Variants in IFT81 observed in about 807,000 individuals in gnomAD.
The protein encoded by IFT81 is intraflagellar transport 81.
In IFT81, 72 loss-of-function variants were observed where a neutral mutation model predicts 102.6. That is an observed-to-expected ratio of 0.70 (90% CI 0.58 to 0.85). IFT81 has a LOEUF of 0.85. Among genes scored for constraint, IFT81 ranks in the 40% least tolerant of loss-of-function variants. The pLI, the probability that IFT81 is intolerant of heterozygous loss-of-function variation, is 0.00. For missense variants in IFT81, 723 were observed against 787.3 expected, an observed-to-expected ratio of 0.92 and a Z score of 0.98; for synonymous variants, 237 against 242.7, an observed-to-expected ratio of 0.98 and a Z score of 0.22.
In IFT81 at chr12:110,197,555, CATATATATATAT is replaced by C. The variant is rs141544205; in HGVS notation, c.1557+4867_1557+4878del. Among the ~76,000 whole-genome samples, 292 of 108,806 alleles carry C rather than the reference CATATATATATAT, an allele frequency of 2.7e-3. 2 individuals are homozygous for C. Among genetic ancestry groups the C allele is most frequent in the African/African-American group, 9.4e-3 (279 of 29,836 alleles). The allele number at this position is 108,806 out of a possible 152,430, so 71.4% of individuals were successfully genotyped here. ...ATATTATTTATTCTTAGGTTTTTAT[CATATATATATAT>C]ATATATATATATATATACCTCACTT... is the stretch of plus-strand genomic sequence containing the variant. On this transcript the variant is annotated intron_variant, in intron 14 of 18. Coordinates refer to ENST00000242591, the MANE Select transcript of IFT81 (RefSeq NM_014055.4).
rs1895882656 is a variant in IFT81, at chr12:110,157,064, TA to T, written c.1042-5854del. On this transcript the variant is annotated intron_variant, in intron 10 of 18. Transcript: ENST00000242591. ...AGTAGAAGTTTATTTTAAAAGGCCT[TA>T]GAGGCCAGACACGGTGGCTCATGCC... Among the ~76,000 whole-genome samples, 8 of 151,938 alleles carry T rather than the reference TA, an allele frequency of 5.3e-5. No individual in the cohort carries two copies. In the South Asian group the frequency reaches 1.7e-3, roughly 32 times the overall value.
At chr12:110,177,995 C>T (rs943000448) in intron 11 of IFT81, among the ~76,000 whole-genome samples, 1 of 149,048 alleles carries the variant, frequency 6.7e-6, no homozygotes, top group Non-Finnish European at 1.5e-5. Flanking sequence ...CCCGGGAGGC[C>T]GAGGCAGGAA....
intron 11 of IFT81, chr12:110,168,506 C>A: frequency 4.4e-6 from 4 of 919,536 alleles, no homozygotes; most frequent in Non-Finnish European, 5.2e-6. Context: ...AATGCATAAA[C>A]GATTATACTA....
intron 11 of IFT81, among the ~76,000 whole-genome samples, chr12:110,173,438 C>T (rs924733036): frequency 2.2e-4 from 33 of 152,300 alleles, no homozygotes; most frequent in African/African-American, 7.5e-4. Context: ...CCCCTCTGCC[C>T]GGCCACCATC....
intron 4 of IFT81, among the ~76,000 whole-genome samples, chr12:110,131,069 G>A (rs1894132052): frequency 1.3e-5 from 2 of 152,116 alleles, no homozygotes; most frequent in South Asian, 4.1e-4. Flanking sequence ...GATTGCTTGA[G>A]CTCAGGAGTT....
intron 18 of IFT81, among the ~76,000 whole-genome samples, chr12:110,211,798 C>T (rs1018048052): frequency 2.6e-5 from 4 of 152,102 alleles, no homozygotes; most frequent in Non-Finnish European, 5.9e-5. Flanking sequence ...CAAGCCACTG[C>T]GCCCAGCCTT....
In IFT81 at chr12:110,128,988, C is replaced by A; in HGVS notation, c.287C>A (p.Pro96His). The A allele has an allele frequency of 6.2e-7, 1 of 1,613,334 alleles. No individual in the cohort carries two copies. Among genetic ancestry groups the A allele is most frequent in the Non-Finnish European group, 8.5e-7 (1 of 1,179,734 alleles). ...CAGGGTTTGGTGATTGGAAGTAAAC[C>A]TGTAATTTACCCAGTGCTCCACTGG... ...FRQGLVIGSK[P>H]VIYPVLHWLL... Residue 96 changes from proline (P) to histidine (H), a missense_variant, in exon 4 of 19, where the codon CCT becomes CAT. By Grantham distance (77) the Pro-to-His change is moderately conservative. Transcript: ENST00000242591.
At chr12:110,167,388 T>C (rs183038665) in intron 11 of IFT81, among the ~76,000 whole-genome samples, 38 of 152,286 alleles carry the variant, frequency 2.5e-4, no homozygotes, top group Admixed American at 1.6e-3. Flanking sequence ...TGATAAAAGA[T>C]ACATTTTCCT....
chr12:110,179,749 TATATATATATATATATATATATATAC>T (rs1361924907), intron 11 of IFT81, among the ~76,000 whole-genome samples: 3 of 47,264 alleles, frequency 6.3e-5, no homozygotes, highest in African/African-American at 1.5e-4. Flanking sequence ...TATATATATA[TATATATATATATATATATATATATAC>T]ACACACACAC....
At chr12:110,157,860 G>C (rs902819330) in intron 10 of IFT81, among the ~76,000 whole-genome samples, 1 of 151,970 alleles carries the variant, frequency 6.6e-6, no homozygotes, top group Non-Finnish European at 1.5e-5. Context: ...TTTAGCTCCA[G>C]GATTTCTTTT....
intron 11 of IFT81, among the ~76,000 whole-genome samples, chr12:110,165,810 G>A (rs1896407067): frequency 6.6e-6 from 1 of 152,182 alleles, no homozygotes. Flanking sequence ...GTAAAATGGG[G>A]CTGATTGCTC....
At chr12:110,160,111 C>T (rs1896059440) in intron 10 of IFT81, among the ~76,000 whole-genome samples, 1 of 152,130 alleles carries the variant, frequency 6.6e-6, no homozygotes, top group African/African-American at 2.4e-5. Flanking sequence ...TTTATGCCTA[C>T]CTATTGTATT....
At chr12:110,182,463 C>T (rs1897345797) in intron 12 of IFT81, among the ~76,000 whole-genome samples, 1 of 152,192 alleles carries the variant, frequency 6.6e-6, no homozygotes, top group East Asian at 1.9e-4. Context: ...GGTGGGATGA[C>T]CCAGTTCCTC....
intron 18 of IFT81, among the ~76,000 whole-genome samples, chr12:110,212,264 G>A (rs1327304183): frequency 6.6e-6 from 1 of 151,326 alleles, no homozygotes; most frequent in Admixed American, 6.6e-5. Context: ...AAAAAAACTT[G>A]GCTGGGCGCA....
At chr12:110,175,516 C>T (rs1263594164) in intron 11 of IFT81, among the ~76,000 whole-genome samples, 4 of 152,126 alleles carry the variant, frequency 2.6e-5, no homozygotes, top group African/African-American at 7.2e-5. Flanking sequence ...CATTTGATCT[C>T]GGTATTTTCG....
chr12:110,199,107 C>T (rs1288482357), intron 14 of IFT81, among the ~76,000 whole-genome samples: 1 of 152,086 alleles, frequency 6.6e-6, no homozygotes, highest in African/African-American at 2.4e-5. Flanking sequence ...CCGCACCTGG[C>T]CTCACTTTTT....
At chr12:110,137,999 T>C (rs1425167088) in intron 8 of IFT81, among the ~76,000 whole-genome samples, 3 of 152,218 alleles carry the variant, frequency 2.0e-5, no homozygotes, top group African/African-American at 7.2e-5. Flanking sequence ...CACCACCAGA[T>C]CCATCCTAGG....
At chr12:110,206,548 G>A (rs139052516) in intron 17 of IFT81, among the ~76,000 whole-genome samples, 4,199 of 152,120 alleles carry the variant, frequency 0.028, 87 homozygotes, top group Middle Eastern at 0.082. Context: ...GGTGGTGGGC[G>A]CCCGTAGTCC....
Position 110,143,325 on chromosome 12 carries a change from A to C in IFT81, c.782-57A>C, listed in dbSNP as rs1593293351. ...AGGTCTTATATTTAAAATAGTATAC[A>C]GAATATCACTGTACCTACTCTTTTG... On this transcript the variant is annotated intron_variant, in intron 8 of 18. Coordinates refer to ENST00000242591, the MANE Select transcript of IFT81 (RefSeq NM_014055.4). 14 of 1,028,624 alleles carry C rather than the reference A, an allele frequency of 1.4e-5. No individual in the cohort carries two copies. The East Asian group carries it at 4.9e-4, about 36-fold the overall frequency. The allele number at this position is 1,028,624 out of a possible 1,614,324, so 63.7% of individuals were successfully genotyped here.
Sources: gnomAD v4.1 joint callset for allele counts (sites outside exome capture counted in the v4.1 genomes callset) on GRCh38, gnomAD v4.1.1 for gene constraint, MANE v1.5 for transcripts, NCBI Gene and HGNC (gene_info 2026-07-23, HGNC 2026-07-21) for gene names.